ORMDL2: variants seen among roughly 807,000 people sequenced by gnomAD.
ORMDL2 encodes the protein ORMDL sphingolipid biosynthesis regulator 2.
In ORMDL2, 11 loss-of-function variants were observed where a neutral mutation model predicts 13.5. The observed-to-expected ratio is 0.82, with a 90% CI of 0.51 to 1.35. The LOEUF is 1.35. Ranked by LOEUF, ORMDL2 falls within the 40% of genes most tolerant of loss-of-function variation. ORMDL2 has a pLI of 0.00. For synonymous variants in ORMDL2, 73 were observed against 76.5 expected, an observed-to-expected ratio of 0.95 and a Z score of 0.24; for missense variants, 160 against 191.1, an observed-to-expected ratio of 0.84 and a Z score of 0.96.
At position 55,820,477 on chromosome 12, in the gene ORMDL2, A is replaced by T; in HGVS notation, c.*82A>T. On this transcript the variant is annotated 3_prime_UTR_variant, in exon 4 of 4. Coordinates refer to ENST00000243045, the MANE Select transcript of ORMDL2 (RefSeq NM_014182.5). ...ATAAAACATCCTTCTCTTATTCTCC[A>T]TACTGTCTTCTACACCTTTAAAGCC... 2.7e-6 allele frequency: 4 copies of T among 1,461,596 alleles called. No individual in the cohort carries two copies. The highest frequency in any genetic ancestry group is 3.8e-6 in the Non-Finnish European group (4 of 1,041,040). 90.5% of individuals were successfully genotyped at this position (1,461,596 alleles called of 1,614,324 possible). A position where few individuals can be genotyped will look rare whatever the true frequency, so the allele number is the denominator to read the frequency against.
In ORMDL2 at chr12:55,820,369, C is replaced by T. The variant is rs193220654; in HGVS notation, c.436C>T (p.Arg146Cys). 2.3e-5 allele frequency: 37 copies of T among 1,614,150 alleles called. No homozygotes were observed. The East Asian group carries it at 6.7e-4, about 29-fold the overall frequency. ...GAAGTTGCCCCAGTTCCATGGGGTT[C>T]GTGTCTTTGGCATCAACAAATACTG... is the stretch of plus-strand genomic sequence containing the variant. The part of the protein sequence containing the change: ...LPKLPQFHGV[R>C]VFGINKY Residue 146 changes from arginine (R) to cysteine (C), a missense_variant, in exon 4 of 4, where the codon CGT (arginine) becomes TGT (cysteine). Arg to Cys is a radical substitution (Grantham distance 180). Coordinates refer to ENST00000243045, the MANE Select transcript of ORMDL2 (RefSeq NM_014182.5).
intron 1 of ORMDL2, chr12:55,818,740 C>G: frequency 2.1e-6 from 1 of 469,104 alleles, no homozygotes; most frequent in East Asian, 3.3e-5. Context: ...CCCAAGCCTA[C>G]ACATACACCT....
chr12:55,819,487 T>C lies in ORMDL2; in HGVS notation c.320T>C (p.Ile107Thr), dbSNP rs1381931647. The change falls in exon 3 of 4, where the codon ATT becomes ACT. Residue 107 changes from isoleucine to threonine, a missense_variant. Transcript: ENST00000243045. ...CGCAAGTTCCTCAGCATCTCTCCTA[T>C]TGTGCTGTGAGTCTATGGGGGAAAT... ...SSRKFLSISP[I>T]VLYLLASFYT... The C allele has an allele frequency of 6.2e-7, 1 of 1,613,770 alleles. No homozygotes were observed.
chr12:55,818,599 C>G (rs1280634049), intron 1 of ORMDL2: 1 of 191,748 alleles, frequency 5.2e-6, no homozygotes, highest in African/African-American at 2.3e-5. Flanking sequence ...CTCTGTCATC[C>G]CTTCTTAGTG....
At position 55,820,443 on chromosome 12, in the gene ORMDL2, C is replaced by T. The variant is rs773947594; in HGVS notation, c.*48C>T. 18 of 1,599,450 alleles carry T rather than the reference C, an allele frequency of 1.1e-5. 1 individual carries two copies. The South Asian group carries it at 1.9e-4, about 17-fold the overall frequency. ...CATGGGCATGGGGAAGGCACTGAAA[C>T]AGAGGACTATAAAACATCCTTCTCT... On this transcript the variant is annotated 3_prime_UTR_variant, in exon 4 of 4. Transcript: ENST00000243045.
intron 3 of ORMDL2, 139 bp downstream of exon 3, chr12:55,819,632 G>A (rs1204759037): frequency 8.4e-6 from 6 of 713,930 alleles, no homozygotes; most frequent in Non-Finnish European, 1.4e-5. Flanking sequence ...CTAGTTCTAA[G>A]CCTACAGAGA....
rs147525912 is a variant in ORMDL2, at chr12:55,819,354, T to C, written c.187T>C (p.Phe63Leu). 3 of 1,613,838 alleles carry C rather than the reference T, an allele frequency of 1.9e-6. No homozygotes were observed. The highest frequency in any genetic ancestry group is 2.5e-6 in the Non-Finnish European group (3 of 1,179,936). ...NVIHNLATYV[F>L]LHTVKGTPFE... ...TCCCTGTTCCCAGGCTACGTATGTC[T>C]TCCTTCATACGGTGAAAGGGACACC... The change falls in exon 3 of 4, where the codon TTC becomes CTC. Residue 63 changes from phenylalanine (F) to leucine (L), a missense_variant. Phe to Leu is a conservative substitution (Grantham distance 22). Coordinates refer to ENST00000243045, the MANE Select transcript of ORMDL2 (RefSeq NM_014182.5).
rs561170335 is a variant in ORMDL2 at position 55,820,178 on chromosome 12, G to A, written c.327-82G>A. On this transcript the variant is annotated intron_variant, in intron 3 of 3. Coordinates refer to ENST00000243045, the MANE Select transcript of ORMDL2 (RefSeq NM_014182.5). Reference sequence around the variant, plus strand: ...CACTGCACTCCAACCTGGGAAACATGGTGAGAACTGTCTCTTAAAAAAAAA... The same window carrying A: ...CACTGCACTCCAACCTGGGAAACATAGTGAGAACTGTCTCTTAAAAAAAAA... 2.3e-6 allele frequency: 3 copies of A among 1,325,186 alleles called. No individual in the cohort carries two copies. The African/African-American group carries it at 4.4e-5, about 19-fold the overall frequency. The allele number at this position is 1,325,186 out of a possible 1,614,324, so 82.1% of individuals were successfully genotyped here.
rs201630136 is a variant in ORMDL2, at chr12:55,820,325, T to C, written c.392T>C (p.Leu131Ser). 2 of 1,614,122 alleles carry C rather than the reference T, an allele frequency of 1.2e-6. No individual in the cohort carries two copies. Among genetic ancestry groups the C allele is most frequent in the Non-Finnish European group, 1.7e-6 (2 of 1,179,980 alleles). ...CACTTCCTCATCAACACAGCCTCAT[T>C]GCTAAGTGTACTGCTGCCGAAGTTG... ...AAHFLINTASLLSVLLPKLPQ... is the reference protein window; with the variant it reads ...AAHFLINTASSLSVLLPKLPQ... The change falls in exon 4 of 4, where the codon TTG (leucine) becomes TCG (serine). Residue 131 changes from leucine to serine, a missense_variant. Leu to Ser is a moderately radical substitution (Grantham distance 145). Coordinates refer to ENST00000243045, the MANE Select transcript of ORMDL2 (RefSeq NM_014182.5).
In ORMDL2 at chr12:55,819,115, G is replaced by A. The variant is rs889924128; in HGVS notation, c.116G>A (p.Ser39Asn). The A allele has an allele frequency of 1.2e-6, 2 of 1,614,138 alleles. No individual in the cohort carries two copies. The highest frequency in any genetic ancestry group is 1.7e-6 in the Non-Finnish European group (2 of 1,180,022). ...GGATTGCTGCATATGGTTCTACTCA[G>A]CATCCCCTTCTTCAGCATTCCTGTT... is the stretch of plus-strand genomic sequence containing the variant. Reference protein sequence around the residue: ...LVGLLHMVLLSIPFFSIPVVW... With the variant: ...LVGLLHMVLLNIPFFSIPVVW... Residue 39 changes from serine to asparagine, a missense_variant, in exon 2 of 4, where the codon AGC (serine) becomes AAC (asparagine). Physicochemically the swap from Ser to Asn is conservative, Grantham distance 46. Transcript: ENST00000243045.
chr12:55,820,292 A>C lies in ORMDL2; in HGVS notation c.359A>C (p.Asp120Ala). ...CTGGCCAGCTTCTATACCAAGTATG[A>C]TGCTGCGCACTTCCTCATCAACACA... ...YLLASFYTKY[D>A]AAHFLINTAS... The change falls in exon 4 of 4, where the codon GAT (aspartate) becomes GCT (alanine). Residue 120 changes from aspartate to alanine, a missense_variant. Asp to Ala is a moderately radical substitution (Grantham distance 126, BLOSUM62 -2). Transcript: ENST00000243045. The C allele has an allele frequency of 8.1e-6, 13 of 1,613,892 alleles. No homozygotes were observed. The highest frequency in any genetic ancestry group is 1.1e-5 in the Non-Finnish European group (13 of 1,179,940).
chr12:55,820,346 A>C lies in ORMDL2; in HGVS notation c.413A>C (p.Lys138Thr). 1 of 1,614,168 alleles carries C rather than the reference A, an allele frequency of 6.2e-7. No homozygotes were observed. The highest frequency in any genetic ancestry group is 1.1e-5 in the South Asian group (1 of 91,078). ...TASLLSVLLP[K>T]LPQFHGVRVF... ...TCATTGCTAAGTGTACTGCTGCCGA[A>C]GTTGCCCCAGTTCCATGGGGTTCGT... Residue 138 changes from lysine to threonine, a missense_variant, in exon 4 of 4, where the codon AAG (lysine) becomes ACG (threonine). By Grantham distance (78) the Lys-to-Thr change is moderately conservative. Coordinates refer to ENST00000243045, the MANE Select transcript of ORMDL2 (RefSeq NM_014182.5).
At chr12:55,818,878 G>T in intron 1 of ORMDL2, 121 bp from the exon 2 acceptor site, 1 of 805,456 alleles carries the variant, frequency 1.2e-6, no homozygotes. Context: ...TGATGGGTAA[G>T]TTCTTCATTC....
intron 3 of ORMDL2, 100 bp downstream of exon 3, chr12:55,819,593 C>T: frequency 9.6e-7 from 1 of 1,039,462 alleles, no homozygotes; most frequent in Non-Finnish European, 1.4e-6. Context: ...GACTTCTCAT[C>T]TAAAACCCTT....
rs1018145347 is a variant in ORMDL2, at chr12:55,820,687, A to G, written c.*292A>G. 2.0e-5 allele frequency: 8 copies of G among 401,674 alleles called. No individual in the cohort carries two copies. The highest frequency in any genetic ancestry group is 1.5e-4 in the South Asian group (5 of 33,218). 24.9% of individuals were successfully genotyped at this position (401,674 alleles called of 1,614,324 possible). ...GCTTCTTTGGTGATTACATCTTTCC[A>G]TATCTTTTACACTTACCACCTTCCA... On this transcript the variant is annotated 3_prime_UTR_variant, in exon 4 of 4. Transcript: ENST00000243045.
intron 3 of ORMDL2, 151 bp downstream of exon 3, chr12:55,819,644 C>G: frequency 1.5e-6 from 1 of 664,776 alleles, no homozygotes; most frequent in Non-Finnish European, 2.5e-6. Context: ...CTACAGAGAG[C>G]AGTAAAATGT....
intron 1 of ORMDL2, 126 bp from the exon 2 acceptor site, chr12:55,818,873 G>T: frequency 1.3e-6 from 1 of 745,878 alleles, no homozygotes; most frequent in Non-Finnish European, 2.2e-6. Context: ...CTGCGTGATG[G>T]GTAAGTTCTT....
Position 55,820,263 on chromosome 12 carries a change from T to G in ORMDL2, c.330T>G (p.Tyr110Ter). ...CCCTATTTTTTTCTCTCCCCAGCTA[T>G]CTCCTGGCCAGCTTCTATACCAAGT... ...KFLSISPIVL[Y>*]LLASFYTKYD... The change falls in exon 4 of 4, where the codon TAT (tyrosine) becomes TAG (stop). Residue 110 changes from tyrosine (Y) to a stop codon, truncating the protein, a stop_gained. Coordinates refer to ENST00000243045, the MANE Select transcript of ORMDL2 (RefSeq NM_014182.5). LOFTEE classifies it high-confidence loss of function. 1.2e-6 allele frequency: 2 copies of G among 1,609,854 alleles called. No individual in the cohort carries two copies. The highest frequency in any genetic ancestry group is 1.7e-6 in the Non-Finnish European group (2 of 1,176,838).
Position 55,819,463 on chromosome 12 carries a change from G to A in ORMDL2, c.296G>A (p.Arg99His), listed in dbSNP as rs377746434. 2.5e-5 allele frequency: 40 copies of A among 1,613,878 alleles called. No homozygotes were observed. The highest frequency in any genetic ancestry group is 2.4e-4 in the African/African-American group (18 of 74,864). The change falls in exon 3 of 4, where the codon CGC (arginine) becomes CAC (histidine). Residue 99 changes from arginine (R) to histidine (H), a missense_variant. Physicochemically the swap from Arg to His is conservative, Grantham distance 29. Transcript: ENST00000243045. ...TATGGGCTCCAGTTTACCTCTTCCC[G>A]CAAGTTCCTCAGCATCTCTCCTATT... ...MDYGLQFTSSRKFLSISPIVL... is the reference protein window; with the variant it reads ...MDYGLQFTSSHKFLSISPIVL...
Sources: gnomAD v4.1 joint callset for allele counts on GRCh38, gnomAD v4.1.1 for gene constraint, MANE v1.5 for transcripts, NCBI Gene and HGNC (gene_info 2026-07-23, HGNC 2026-07-21) for gene names.